MACROD2: variants seen among roughly 807,000 people sequenced by gnomAD.
The protein encoded by MACROD2 is mono-ADP ribosylhydrolase 2, also known as ADP-ribose glycohydrolase MACROD2.
MACROD2 carries 36 observed loss-of-function variants against 70.4 expected under a neutral mutation model. That is an observed-to-expected ratio of 0.51 (90% CI 0.39 to 0.68). The LOEUF (loss-of-function observed/expected upper bound fraction) is 0.68, where lower values mean the gene tolerates loss of function less well. MACROD2 is among the 30% of genes least tolerant of loss of function. The pLI is 0.00. For missense variants in MACROD2, 496 were observed against 538.4 expected (o/e 0.92, Z 0.78); for synonymous variants, 172 against 178.8 (o/e 0.96, Z 0.30).
intron 3 of MACROD2, among the ~76,000 whole-genome samples, chr20:14,482,017 G>A (rs2084669225): frequency 1.3e-5 from 2 of 152,118 alleles, no homozygotes; most frequent in Admixed American, 1.3e-4. Flanking sequence ...CACTGGCTTG[G>A]TGATTCAGAG....
intron 4 of MACROD2, among the ~76,000 whole-genome samples, chr20:14,577,360 A>G (rs1980667380): frequency 6.6e-6 from 1 of 152,232 alleles, no homozygotes; most frequent in Non-Finnish European, 1.5e-5. Flanking sequence ...TACATTAAGA[A>G]TTACTTTCCT....
intron 2 of MACROD2, among the ~76,000 whole-genome samples, chr20:14,055,114 A>G (rs1416119594): frequency 1.3e-5 from 2 of 152,154 alleles, no homozygotes; most frequent in African/African-American, 2.4e-5. Flanking sequence ...ACTATGTTAC[A>G]GTAGTCTTTG....
chr20:14,812,218 A>G (rs1206614023), intron 5 of MACROD2, among the ~76,000 whole-genome samples: 1 of 152,128 alleles, frequency 6.6e-6, no homozygotes, highest in African/African-American at 2.4e-5. Flanking sequence ...AAAATGTGGT[A>G]CATATACACC....
chr20:14,372,075 G>C (rs1004873664), intron 3 of MACROD2, among the ~76,000 whole-genome samples: 1 of 152,086 alleles, frequency 6.6e-6, no homozygotes, highest in African/African-American at 2.4e-5. Context: ...CAGGGACCTT[G>C]CCTGATTTTG....
chr20:15,077,607 G>A (rs1033374955), intron 5 of MACROD2, among the ~76,000 whole-genome samples: 1 of 152,082 alleles, frequency 6.6e-6, no homozygotes, highest in African/African-American at 2.4e-5. Flanking sequence ...CTCCAAGAAT[G>A]GCTGATTTCC....
At chr20:15,604,864 A>G (rs2048871495) in intron 8 of MACROD2, among the ~76,000 whole-genome samples, 1 of 152,250 alleles carries the variant, frequency 6.6e-6, no homozygotes, top group Non-Finnish European at 1.5e-5. Flanking sequence ...AAATAATTTC[A>G]TAACACATTT....
intron 5 of MACROD2, among the ~76,000 whole-genome samples, chr20:14,858,495 GAAAAAC>G (rs1372638052): frequency 1.3e-5 from 2 of 152,086 alleles, no homozygotes; most frequent in African/African-American, 4.8e-5. Flanking sequence ...ACTTGATTGT[GAAAAAC>G]AAAAACAAAA....
At chr20:14,769,689 C>T (rs1458811072) in intron 5 of MACROD2, among the ~76,000 whole-genome samples, 1 of 152,078 alleles carries the variant, frequency 6.6e-6, no homozygotes, top group East Asian at 1.9e-4. Context: ...TGCAACCTTA[C>T]ATACACATCT....
At chr20:15,668,996 G>T (rs904545327) in intron 8 of MACROD2, among the ~76,000 whole-genome samples, 26 of 152,098 alleles carry the variant, frequency 1.7e-4, no homozygotes, top group African/African-American at 6.0e-4. Flanking sequence ...ACACATAAAC[G>T]TTAAAAACCC....
chr20:13,998,099 T>C (rs1457067689), intron 1 of MACROD2, among the ~76,000 whole-genome samples: 3 of 152,190 alleles, frequency 2.0e-5, no homozygotes, highest in African/African-American at 7.2e-5. Context: ...CTTAATTGCT[T>C]GGTTCACAGA....
intron 9 of MACROD2, among the ~76,000 whole-genome samples, chr20:15,866,145 C>T (rs894867455): frequency 5.9e-5 from 9 of 152,160 alleles, no homozygotes; most frequent in South Asian, 2.1e-4. Context: ...CACAGTGGCT[C>T]ATGCCTGTAG....
At chr20:15,935,390 T>A (rs920833743) in intron 11 of MACROD2, among the ~76,000 whole-genome samples, 2 of 152,190 alleles carry the variant, frequency 1.3e-5, no homozygotes, top group African/African-American at 4.8e-5. Context: ...TCAACACACA[T>A]AGTTACGTTC....
At position 15,822,532 on chromosome 20, in the gene MACROD2, T is replaced by A. The variant is rs952177246; in HGVS notation, c.646-40213T>A. Among the ~76,000 whole-genome samples the A allele has an allele frequency of 2.0e-5, 3 of 152,176 alleles. No individual in the cohort carries two copies. The East Asian group carries it at 5.8e-4, about 29-fold the overall frequency. ...AAAGTTATTGTGCAATTTACTATTATCTTTTATGGATAGAACTGGTTACAA... is the reference window on the plus strand; with the variant it reads ...AAAGTTATTGTGCAATTTACTATTAACTTTTATGGATAGAACTGGTTACAA... On this transcript the variant is annotated intron_variant, in intron 8 of 17. Coordinates refer to ENST00000684519, the MANE Select transcript of MACROD2 (RefSeq NM_001351661.2).
At chr20:15,667,404 T>G (rs1368865835) in intron 8 of MACROD2, among the ~76,000 whole-genome samples, 1 of 152,188 alleles carries the variant, frequency 6.6e-6, no homozygotes, top group Non-Finnish European at 1.5e-5. Context: ...ACCCCTTCTC[T>G]TTAGAAAGTA....
intron 5 of MACROD2, among the ~76,000 whole-genome samples, chr20:15,013,618 T>C (rs2075099571): frequency 1.3e-5 from 2 of 152,230 alleles, no homozygotes; most frequent in South Asian, 4.1e-4. Context: ...TCAGGACAAC[T>C]CTGGAAGGTC....
intron 6 of MACROD2, among the ~76,000 whole-genome samples, chr20:15,350,936 A>C (rs1318747165): frequency 6.6e-6 from 1 of 152,120 alleles, no homozygotes; most frequent in Non-Finnish European, 1.5e-5. Context: ...ATAATAGCAA[A>C]ACAAAAACAA....
At chr20:15,737,348 AAAG>A (rs1432086385) in intron 8 of MACROD2, among the ~76,000 whole-genome samples, 1 of 152,216 alleles carries the variant, frequency 6.6e-6, no homozygotes, top group Non-Finnish European at 1.5e-5. Context: ...TAAGCACCTA[AAAG>A]AAGATGAGTT....
chr20:15,821,665 C>T (rs1366168063), intron 8 of MACROD2, among the ~76,000 whole-genome samples: 1 of 152,154 alleles, frequency 6.6e-6, no homozygotes, highest in Non-Finnish European at 1.5e-5. Flanking sequence ...CATGTACACG[C>T]ATCTTTCTTG....
intron 9 of MACROD2, among the ~76,000 whole-genome samples, chr20:15,881,419 G>T (rs2064752827): frequency 6.6e-6 from 1 of 152,072 alleles, no homozygotes; most frequent in South Asian, 2.1e-4. Context: ...GTGGAAAACT[G>T]TCCTCATGCA....
Sources: gnomAD v4.1 joint callset for allele counts (sites outside exome capture counted in the v4.1 genomes callset) on GRCh38, gnomAD v4.1.1 for gene constraint, MANE v1.5 for transcripts, NCBI Gene and HGNC (gene_info 2026-07-23, HGNC 2026-07-21) for gene names.